Variants in JMJD6 observed in about 807,000 individuals in gnomAD.
JMJD6 encodes bifunctional arginine demethylase and lysyl-hydroxylase JMJD6.
A neutral mutation model predicts 45.8 loss-of-function variants in JMJD6; 17 were observed. The observed-to-expected ratio is 0.37, with a 90% CI of 0.25 to 0.56. JMJD6 has a LOEUF of 0.56. Ranked by LOEUF, JMJD6 falls within the 20% of genes least tolerant of loss-of-function variation. The probability of loss-of-function intolerance (pLI) is 0.79; values close to 1 mark genes in which losing one functional copy is unlikely to be tolerated. For missense variants in JMJD6, 470 were observed against 517.5 expected, an observed-to-expected ratio of 0.91 and a Z score of 0.89; for synonymous variants, 221 against 196.3, an observed-to-expected ratio of 1.13 and a Z score of -1.05.
At chr17:76,721,345 G>T in intron 4 of JMJD6, 1 of 447,340 alleles carries the variant, frequency 2.2e-6, no homozygotes, top group Non-Finnish European at 4.6e-6. Context: ...CGCTGCCCGT[G>T]CTGTATCTGT....
intron 4 of JMJD6, chr17:76,721,416 G>A (rs983806528): frequency 5.8e-6 from 2 of 347,198 alleles, no homozygotes; most frequent in South Asian, 4.2e-5. Context: ...AAGAACTGAA[G>A]GTATTAAGTT....
rs768765834 is a variant in JMJD6, at chr17:76,720,542, C to T, written c.942-44G>A. 1.1e-5 allele frequency: 17 copies of T among 1,605,032 alleles called. No individual in the cohort carries two copies. The Admixed American group carries it at 2.3e-4, about 22-fold the overall frequency. Reference sequence around the variant, plus strand: ...TGTTCTCAGTGCACTGACAGCCATACCCACTCACAAAGACTCACTCAGAGT... The same window carrying T: ...TGTTCTCAGTGCACTGACAGCCATATCCACTCACAAAGACTCACTCAGAGT... On this transcript the variant is annotated intron_variant, in intron 4 of 5. Coordinates refer to ENST00000397625, the MANE Select transcript of JMJD6 (RefSeq NM_015167.3).
At chr17:76,713,386 C>G (rs974935994) in exon 7 of JMJD6, 1 of 152,238 alleles carries the variant, frequency 6.6e-6, no homozygotes, top group African/African-American at 2.4e-5. Flanking sequence ...GGGTGAGCTA[C>G]GGCGCCTGGC....
chr17:76,723,716 C>T lies in JMJD6; in HGVS notation c.805+56G>A, dbSNP rs112009734. ...TCAGCCTCCCAAAGTGCTGGGATTA[C>T]AGGCATGAACCACCGCGCCCGGCAA... is the stretch of plus-strand genomic sequence containing the variant. On this transcript the variant is annotated intron_variant, in intron 3 of 5. Transcript: ENST00000397625. 11,867 of 1,540,096 alleles carry T rather than the reference C, an allele frequency of 7.7e-3. 614 individuals carry two copies. In the African/African-American group the frequency reaches 0.12, roughly 16 times the overall value.
Position 76,723,824 on chromosome 17 carries a change from T to C in JMJD6, c.753A>G (p.Glu251=). The C allele has an allele frequency of 6.2e-7, 1 of 1,614,198 alleles. No individual in the cohort carries two copies. The highest frequency in any genetic ancestry group is 8.5e-7 in the Non-Finnish European group (1 of 1,180,044). Reference sequence around the variant, plus strand: ...TTTGTAAGATTTCCAGGGGTTTGAATTCAGGTGGCCAGGTTGGAAGCTGTG... The same window carrying C: ...TTTGTAAGATTTCCAGGGGTTTGAACTCAGGTGGCCAGGTTGGAAGCTGTG... The part of the protein sequence containing the change: ...PRTQLPTWPP[E]FKPLEILQKP... The change falls in exon 3 of 6, where the codon GAA becomes GAG. Residue 251 remains glutamate (E), a synonymous_variant. Coordinates refer to ENST00000397625, the MANE Select transcript of JMJD6 (RefSeq NM_015167.3).
intron 4 of JMJD6, 121 bp from the exon 5 acceptor site, chr17:76,720,619 G>T (rs572428036): frequency 2.2e-6 from 2 of 907,654 alleles, no homozygotes; most frequent in Non-Finnish European, 3.5e-6. Context: ...TGTCCGTTCA[G>T]AATGGATACT....
rs1022313466 is a variant in JMJD6 at position 76,723,875 on chromosome 17, G to A, written c.702C>T (p.Thr234=). The A allele has an allele frequency of 2.5e-6, 4 of 1,614,058 alleles. No homozygotes were observed. The highest frequency in any genetic ancestry group is 1.3e-5 in the African/African-American group (1 of 74,908). The change falls in exon 3 of 6, where the codon ACC becomes ACT. Residue 234 remains threonine, a synonymous_variant. Coordinates refer to ENST00000397625, the MANE Select transcript of JMJD6 (RefSeq NM_015167.3). The stretch of plus-strand genomic sequence containing the variant: ...TCCGGGGATAAATAACATTAAACCA[G>A]GTAATAGCTTCGTCTTGCTGGTTCC... The part of the protein sequence containing the change: ...EGGNQQDEAI[T]WFNVIYPRTQ...
In JMJD6 at chr17:76,725,781, C is replaced by T. The variant is rs1014890213; in HGVS notation, c.204G>A (p.Lys68=). Residue 68 remains lysine (K), a synonymous_variant, in exon 2 of 6, where the codon AAG becomes AAA. Coordinates refer to ENST00000397625, the MANE Select transcript of JMJD6 (RefSeq NM_015167.3). ...EFVERYERPY[K]PVVLLNAQEG... ...CTTGCGCATTCAACAAAACCACGGG[C>T]TTGTAAGGTCTTTCATACCGCTCCA... is the stretch of plus-strand genomic sequence containing the variant. 2.5e-6 allele frequency: 4 copies of T among 1,613,892 alleles called. No individual in the cohort carries two copies. Among genetic ancestry groups the T allele is most frequent in the Non-Finnish European group, 3.4e-6 (4 of 1,180,008 alleles).
intron 5 of JMJD6, among the ~76,000 whole-genome samples, chr17:76,719,199 T>C (rs1025820280): frequency 8.5e-5 from 13 of 152,234 alleles, no homozygotes; most frequent in African/African-American, 3.1e-4. Context: ...GAGCTTGATA[T>C]ATGAAAGAAG....
Position 76,725,775 on chromosome 17 carries a change from C to T in JMJD6, c.210G>A (p.Val70=). The T allele has an allele frequency of 6.2e-7, 1 of 1,614,084 alleles. No homozygotes were observed. Among genetic ancestry groups the T allele is most frequent in the Non-Finnish European group, 8.5e-7 (1 of 1,180,020 alleles). The change falls in exon 2 of 6, where the codon GTG becomes GTA. Residue 70 remains valine (V), a synonymous_variant. Coordinates refer to ENST00000397625, the MANE Select transcript of JMJD6 (RefSeq NM_015167.3). ...VERYERPYKP[V]VLLNAQEGWS... Reference sequence around the variant, plus strand: ...AGCCCTCTTGCGCATTCAACAAAACCACGGGCTTGTAAGGTCTTTCATACC... The same window carrying T: ...AGCCCTCTTGCGCATTCAACAAAACTACGGGCTTGTAAGGTCTTTCATACC...
Position 76,724,028 on chromosome 17 carries a change from T to G in JMJD6, c.549A>C (p.Gly183=). 1 of 1,614,076 alleles carries G rather than the reference T, an allele frequency of 6.2e-7. No homozygotes were observed. The change falls in exon 3 of 6, where the codon GGA becomes GGC. Residue 183 remains glycine, a synonymous_variant. Transcript: ENST00000397625. Reference sequence around the variant, plus strand: ...CCAGAGGGTCGATGTGAATCCCAGTTCCGGAGCGTGGTGGCCCCATCACAA... The same window carrying G: ...CCAGAGGGTCGATGTGAATCCCAGTGCCGGAGCGTGGTGGCCCCATCACAA... ...RWFVMGPPRS[G]TGIHIDPLGT... is the part of the protein sequence containing the mutation.
In JMJD6 at chr17:76,725,909, G is replaced by A. The variant is rs1278257613; in HGVS notation, c.130-54C>T. ...TTAAAAAAAAAAAAAAAGTCCAGTG[G>A]CAGATAAGGGTGTCCCCAAGGCCAA... On this transcript the variant is annotated intron_variant, in intron 1 of 5. Coordinates refer to ENST00000397625, the MANE Select transcript of JMJD6 (RefSeq NM_015167.3). 12 of 1,493,398 alleles carry A rather than the reference G, an allele frequency of 8.0e-6. No homozygotes were observed. The Admixed American group carries it at 2.2e-4, about 28-fold the overall frequency. The allele number at this position is 1,493,398 out of a possible 1,614,324, so 92.5% of individuals were successfully genotyped here.
Position 76,726,363 on chromosome 17 carries a change from C to A in JMJD6, c.113G>T (p.Ser38Ile), listed in dbSNP as rs770304859. The A allele has an allele frequency of 1.3e-5, 21 of 1,593,224 alleles. No individual in the cohort carries two copies. Among genetic ancestry groups the A allele is most frequent in the Non-Finnish European group, 1.7e-5 (20 of 1,172,114 alleles). Residue 38 changes from serine to isoleucine, a missense_variant, in exon 1 of 6, where the codon AGC becomes ATC. Ser to Ile is a moderately radical substitution (Grantham distance 142). Around this residue, in one of 4 missense-constraint regions of JMJD6, gnomAD observed 346 missense variants for 339.5 expected, o/e 1.02. Coordinates refer to ENST00000397625, the MANE Select transcript of JMJD6 (RefSeq NM_015167.3). ...RHNYYESFSL[S>I]PAAVADNVER... ...CCCGCTCACCGCCACGGCCGCCGGG[C>A]TCAGCGAGAAGCTCTCGTAGTAGTT...
chr17:76,723,854 G>C lies in JMJD6; in HGVS notation c.723C>G (p.Pro241=). The change falls in exon 3 of 6, where the codon CCC becomes CCG. Residue 241 remains proline, a synonymous_variant. Coordinates refer to ENST00000397625, the MANE Select transcript of JMJD6 (RefSeq NM_015167.3). The part of the protein sequence containing the change: ...EAITWFNVIY[P]RTQLPTWPPE... Reference sequence around the variant, plus strand: ...GTGGCCAGGTTGGAAGCTGTGTCCGGGGATAAATAACATTAAACCAGGTAA... The same window carrying C: ...GTGGCCAGGTTGGAAGCTGTGTCCGCGGATAAATAACATTAAACCAGGTAA... The C allele has an allele frequency of 1.2e-6, 2 of 1,614,122 alleles. No homozygotes were observed. Among genetic ancestry groups the C allele is most frequent in the Non-Finnish European group, 1.7e-6 (2 of 1,180,006 alleles).
downstream of JMJD6, chr17:76,715,326 A>T (rs2076756647): frequency 6.6e-6 from 1 of 152,190 alleles, no homozygotes; most frequent in African/African-American, 2.4e-5. Flanking sequence ...GGGGGTAAGG[A>T]GGGAGAGCAG....
At chr17:76,724,093 A>G in intron 2 of JMJD6, 35 bp from the exon 3 acceptor site, 1 of 1,604,918 alleles carries the variant, frequency 6.2e-7, no homozygotes, top group Non-Finnish European at 8.5e-7. Flanking sequence ...GTGAAGTGTA[A>G]TTTACTTACA....
intron 5 of JMJD6, 104 bp from the exon 6 acceptor site, chr17:76,718,964 T>G (rs1325342419): frequency 1.8e-5 from 20 of 1,133,136 alleles, no homozygotes; most frequent in Non-Finnish European, 2.5e-5. Flanking sequence ...TTGGTCACTT[T>G]CTCCCAAATG....
Position 76,726,543 on chromosome 17 carries a change from C to T in JMJD6, c.-68G>A, listed in dbSNP as rs767945332. On this transcript the variant is annotated 5_prime_UTR_variant, in exon 1 of 6. Transcript: ENST00000397625. ...CCCGCTTCCTGACACTAACGCACCC[C>T]TCCCCGGCCTGGGCGGCGGCGACGG... 25 of 1,513,854 alleles carry T rather than the reference C, an allele frequency of 1.7e-5. No individual in the cohort carries two copies. Among genetic ancestry groups the T allele is most frequent in the Non-Finnish European group, 2.2e-5 (25 of 1,136,290 alleles). 93.8% of individuals were successfully genotyped at this position (1,513,854 alleles called of 1,614,324 possible). A position where few individuals can be genotyped will look rare whatever the true frequency, so the allele number is the denominator to read the frequency against.
chr17:76,713,749 C>A (rs2076745231), downstream of JMJD6: 1 of 152,216 alleles, frequency 6.6e-6, no homozygotes, highest in African/African-American at 2.4e-5. Flanking sequence ...AGCATTTGCA[C>A]CAGCAACCTT....
Sources: gnomAD v4.1 joint callset for allele counts (sites outside exome capture counted in the v4.1 genomes callset) on GRCh38, gnomAD v4.1.1 for gene constraint, gnomAD v4.1.1 regional missense constraint, MANE v1.5 for transcripts, NCBI Gene and HGNC (gene_info 2026-07-23, HGNC 2026-07-21) for gene names.